Variants in GALNT15 observed in about 807,000 individuals in gnomAD.
GALNT15 encodes polypeptide N-acetylgalactosaminyltransferase 15, also known as UDP-GalNAc transferase T15.
GALNT15 carries 67 observed loss-of-function variants against 66.8 expected under a neutral mutation model. The ratio of observed to expected loss-of-function variants is 1.00; its 90% CI spans 0.82 to 1.23. GALNT15 has a LOEUF of 1.23. Among genes scored for constraint, GALNT15 ranks in the 50% most tolerant of loss-of-function variants. GALNT15 has a pLI of 0.00. For synonymous variants in GALNT15, 313 were observed against 311.5 expected (o/e 1.00, Z -0.05); for missense variants, 827 against 804.3 (o/e 1.03, Z -0.34).
chr3:16,222,089 C>T (rs1034854269), intron 8 of GALNT15, among the ~76,000 whole-genome samples: 3 of 152,230 alleles, frequency 2.0e-5, no homozygotes, highest in African/African-American at 7.2e-5. Context: ...CTTTCCAGGA[C>T]ATGACTTCTA....
downstream of GALNT15, among the ~76,000 whole-genome samples, chr3:16,232,415 C>G (rs1183471706): frequency 7.4e-6 from 1 of 134,362 alleles, no homozygotes; most frequent in Non-Finnish European, 1.6e-5. Flanking sequence ...AAAACAAAAC[C>G]AAAACAAAAA....
Position 16,219,661 on chromosome 3 carries a change from C to A in GALNT15, c.1524+127C>A. ...TAGCAGGGCCTCAGAGGCCTTGGGT[C>A]CATCCCGTGCCTCCATGCCAGTCTG... On this transcript the variant is annotated intron_variant, in intron 7 of 9. Coordinates refer to ENST00000339732, the MANE Select transcript of GALNT15 (RefSeq NM_054110.5). The surrounding 1 kb of genome is among the most constrained non-coding windows in gnomAD (Gnocchi z 4.3). 1 of 1,296,276 alleles carries A rather than the reference C, an allele frequency of 7.7e-7. No individual in the cohort carries two copies. The highest frequency in any genetic ancestry group is 1.1e-6 in the Non-Finnish European group (1 of 931,258). The allele number at this position is 1,296,276 out of a possible 1,614,324, so 80.3% of individuals were successfully genotyped here. A position where few individuals can be genotyped will look rare whatever the true frequency, so the allele number is the denominator to read the frequency against.
chr3:16,190,739 A>G (rs2063568057), intron 1 of GALNT15, among the ~76,000 whole-genome samples: 1 of 151,948 alleles, frequency 6.6e-6, no homozygotes, highest in African/African-American at 2.4e-5. Flanking sequence ...GGGTTATAAT[A>G]TTTAGTTCCA....
At position 16,216,564 on chromosome 3, in the gene GALNT15, G is replaced by C. The variant is rs188737626; in HGVS notation, c.1393-2839G>C. ...TAAAGTACATTTGGAACAGGGCCAA[G>C]TGGGGGACTTGAGCGATCAATTAAG... On this transcript the variant is annotated intron_variant, in intron 6 of 9. Coordinates refer to ENST00000339732, the MANE Select transcript of GALNT15 (RefSeq NM_054110.5). 3.6e-3 allele frequency among the ~76,000 whole-genome samples: 553 copies of C among 152,100 alleles called. 2 individuals are homozygous for C. Among genetic ancestry groups the C allele is most frequent in the Non-Finnish European group, 6.7e-3 (459 of 68,020 alleles).
Position 16,209,893 on chromosome 3 carries a change from G to C in GALNT15, c.1079+1223G>C, listed in dbSNP as rs2063795412. ...TGAACTGACATGGGGTGTCTGCATT[G>C]GCCTTATTTATCCCACTTACTGCTT... On this transcript the variant is annotated intron_variant, in intron 4 of 9. Transcript: ENST00000339732. This position sits in a 1 kb window ranked among gnomAD's most constrained non-coding sequence, Gnocchi z 4.1. Among the ~76,000 whole-genome samples, 1 of 152,196 alleles carries C rather than the reference G, an allele frequency of 6.6e-6. No individual in the cohort carries two copies. The highest frequency in any genetic ancestry group is 2.1e-4 in the South Asian group (1 of 4,834).
rs192518813 is a variant in GALNT15 at position 16,206,265 on chromosome 3, C to G, written c.912-2238C>G. On this transcript the variant is annotated intron_variant, in intron 3 of 9. Coordinates refer to ENST00000339732, the MANE Select transcript of GALNT15 (RefSeq NM_054110.5). ...GGGCATGGTGGCTCATGCCTGTAGT[C>G]CCAGCTACTCGGGGAGCTGAGGCTG... Among the ~76,000 whole-genome samples, 39 of 152,164 alleles carry G rather than the reference C, an allele frequency of 2.6e-4. 1 individual carries two copies. The highest frequency in any genetic ancestry group is 2.6e-3 in the Admixed American group (39 of 15,278).
intron 1 of GALNT15, among the ~76,000 whole-genome samples, chr3:16,190,069 T>C (rs1415569600): frequency 6.6e-6 from 1 of 152,240 alleles, no homozygotes; most frequent in East Asian, 1.9e-4. Context: ...GTGAATGGAA[T>C]TGCAGTTTGG....
chr3:16,177,015 A>C (rs1379099557), intron 1 of GALNT15, among the ~76,000 whole-genome samples: 1 of 152,134 alleles, frequency 6.6e-6, no homozygotes, highest in Non-Finnish European at 1.5e-5. Context: ...TTCCCACCCC[A>C]TTCTAGTTTT....
At chr3:16,236,104 C>CAATAAAAAAAAAAAAAAA (rs2064123918), downstream of GALNT15, among the ~76,000 whole-genome samples, 1 of 23,396 alleles carries the variant, frequency 4.3e-5, no homozygotes, top group Non-Finnish European at 8.6e-5. Context: ...GACTATGTCT[C>CAATAAAAAAAAAAAAAAA]AAAAAAAAAA....
At chr3:16,231,493 C>T (rs1195196330), downstream of GALNT15, among the ~76,000 whole-genome samples, 1 of 151,938 alleles carries the variant, frequency 6.6e-6, no homozygotes, top group Non-Finnish European at 1.5e-5. This position sits in a 1 kb window ranked among gnomAD's most constrained non-coding sequence, Gnocchi z 4.1. Context: ...TATATTTTTT[C>T]ATCACTGAAG....
chr3:16,180,179 A>G lies in GALNT15; in HGVS notation c.539+4489A>G, dbSNP rs891889583. ...CAGTGGGTGTGAAGTGGGGCTCAACATTTGCATTTCTGCAAACTCCTGGTA... is the reference window on the plus strand; with the variant it reads ...CAGTGGGTGTGAAGTGGGGCTCAACGTTTGCATTTCTGCAAACTCCTGGTA... On this transcript the variant is annotated intron_variant, in intron 1 of 9. Transcript: ENST00000339732. The surrounding 1 kb of genome is among the most constrained non-coding windows in gnomAD (Gnocchi z 5.0). Among the ~76,000 whole-genome samples, 1 of 152,100 alleles carries G rather than the reference A, an allele frequency of 6.6e-6. No individual in the cohort carries two copies. Among genetic ancestry groups the G allele is most frequent in the African/African-American group, 2.4e-5 (1 of 41,408 alleles).
At chr3:16,231,966 A>C, downstream of GALNT15, 2 of 1,490,332 alleles carry the variant, frequency 1.3e-6, no homozygotes, top group South Asian at 2.6e-5. The surrounding 1 kb of genome is among the most constrained non-coding windows in gnomAD (Gnocchi z 4.1). Flanking sequence ...TTAATGTCTT[A>C]TTTAAATAAA....
chr3:16,220,162 G>A, intron 8 of GALNT15, 148 bp downstream of exon 8: 1 of 669,508 alleles, frequency 1.5e-6, no homozygotes. Context: ...CCACTGTAAT[G>A]ACTCATCACA....
At chr3:16,201,338 C>T (rs1376942560) in intron 3 of GALNT15, among the ~76,000 whole-genome samples, 1 of 152,020 alleles carries the variant, frequency 6.6e-6, no homozygotes, top group African/African-American at 2.4e-5. Context: ...CCCGCCACCA[C>T]ACCCGGCTAA....
chr3:16,216,754 C>T (rs1366323381), intron 6 of GALNT15, among the ~76,000 whole-genome samples: 1 of 152,170 alleles, frequency 6.6e-6, no homozygotes, highest in Non-Finnish European at 1.5e-5. Flanking sequence ...AAATTTTTCG[C>T]ATGCTCACGT....
rs1419262063 is a variant in GALNT15 at position 16,195,425 on chromosome 3, G to A, written c.540-335G>A. ...AGGTGATTCTGATGCATGCTCAAGT[G>A]TGAGCGCTGTGAGGGTGATAATATT... is the stretch of plus-strand genomic sequence containing the variant. On this transcript the variant is annotated intron_variant, in intron 1 of 9. Coordinates refer to ENST00000339732, the MANE Select transcript of GALNT15 (RefSeq NM_054110.5). This position sits in a 1 kb window ranked among gnomAD's most constrained non-coding sequence, Gnocchi z 4.6. 6.6e-6 allele frequency among the ~76,000 whole-genome samples: 1 copy of A among 152,208 alleles called. No individual in the cohort carries two copies. Among genetic ancestry groups the A allele is most frequent in the Non-Finnish European group, 1.5e-5 (1 of 68,042 alleles).
At chr3:16,226,786 T>A (rs1480794664) in intron 9 of GALNT15, among the ~76,000 whole-genome samples, 1 of 152,252 alleles carries the variant, frequency 6.6e-6, no homozygotes, top group African/African-American at 2.4e-5. Context: ...TGGTTAAGGT[T>A]GTTCAACTTT....
chr3:16,235,585 T>C (rs2064121288), downstream of GALNT15, among the ~76,000 whole-genome samples: 1 of 152,174 alleles, frequency 6.6e-6, no homozygotes, highest in South Asian at 2.1e-4. Flanking sequence ...CAAGAAGGTA[T>C]CTCTAGTGAG....
intron 9 of GALNT15, among the ~76,000 whole-genome samples, chr3:16,223,033 G>T (rs2063964059): frequency 6.6e-6 from 1 of 152,148 alleles, no homozygotes; most frequent in African/African-American, 2.4e-5. Context: ...TCTTTTTGAA[G>T]TTTATTGGCT....
Sources: allele counts gnomAD v4.1 joint callset (sites outside exome capture counted in the v4.1 genomes callset), GRCh38; gene constraint gnomAD v4.1.1; non-coding constraint Gnocchi (gnomAD v3.1); transcripts MANE v1.5; gene names NCBI Gene and HGNC (gene_info 2026-07-23, HGNC 2026-07-21).